LDLRAD4: variants seen among roughly 807,000 people sequenced by gnomAD.
LDLRAD4 encodes low-density lipoprotein receptor class A domain-containing protein 4.
A neutral mutation model predicts 17.0 loss-of-function variants in LDLRAD4; 5 were observed. The ratio of observed to expected loss-of-function variants is 0.29; its 90% confidence interval spans 0.15 to 0.62. The LOEUF (loss-of-function observed/expected upper bound fraction) is 0.62, where lower values mean the gene tolerates loss of function less well. Ranked by LOEUF, LDLRAD4 falls within the 20% of genes least tolerant of loss-of-function variation. The probability of loss-of-function intolerance (pLI) is 0.84; values close to 1 mark genes in which losing one functional copy is unlikely to be tolerated. For synonymous variants in LDLRAD4, 168 were observed against 171.8 expected (o/e 0.98, Z 0.17); for missense variants, 340 against 424.7 (o/e 0.80, Z 1.75).
chr18:13,608,244 C>T (rs926548871), intron 3 of LDLRAD4, among the ~76,000 whole-genome samples: 2 of 151,896 alleles, frequency 1.3e-5, no homozygotes, highest in Middle Eastern at 6.9e-3. Flanking sequence ...CCAGTTAGAA[C>T]GGCGATCACT....
chr18:13,379,741 C>T (rs2145055337), intron 1 of LDLRAD4, among the ~76,000 whole-genome samples: 1 of 152,344 alleles, frequency 6.6e-6, no homozygotes, highest in East Asian at 1.9e-4. Flanking sequence ...CAAGGAGTGG[C>T]TTGGCAAGGG....
intron 3 of LDLRAD4, among the ~76,000 whole-genome samples, chr18:13,565,569 G>A (rs776521973): frequency 2.6e-5 from 4 of 152,250 alleles, no homozygotes; most frequent in Non-Finnish European, 4.4e-5. Flanking sequence ...CGCTTGTCTT[G>A]GGCTGTGGAA....
chr18:13,534,546 TA>T (rs1436679310), intron 3 of LDLRAD4, among the ~76,000 whole-genome samples: 8 of 150,458 alleles, frequency 5.3e-5, no homozygotes, highest in African/African-American at 1.7e-4. Context: ...ACCCTGTTGC[TA>T]AAAAGAAAAA....
At chr18:13,476,093 C>G (rs1280012231) in intron 3 of LDLRAD4, among the ~76,000 whole-genome samples, 1 of 152,066 alleles carries the variant, frequency 6.6e-6, no homozygotes, top group East Asian at 1.9e-4. Flanking sequence ...GTCTGTAAAT[C>G]TGTAACAGAT....
intron 3 of LDLRAD4, among the ~76,000 whole-genome samples, chr18:13,491,870 G>A (rs1382695956): frequency 6.6e-6 from 1 of 152,170 alleles, no homozygotes; most frequent in Non-Finnish European, 1.5e-5. Context: ...GGTGCTGTCT[G>A]ATAATGAAAT....
At chr18:13,340,259 C>CT (rs2082305168) in intron 1 of LDLRAD4, among the ~76,000 whole-genome samples, 1 of 152,252 alleles carries the variant, frequency 6.6e-6, no homozygotes, top group Non-Finnish European at 1.5e-5. Context: ...CGAGTCCTTG[C>CT]TTTCAGTTCT....
chr18:13,340,542 G>A (rs993433769), intron 1 of LDLRAD4, among the ~76,000 whole-genome samples: 5 of 152,126 alleles, frequency 3.3e-5, no homozygotes, highest in Admixed American at 2.0e-4. Flanking sequence ...CTTCTTTGGA[G>A]AAATGTCTAT....
At position 13,222,147 on chromosome 18, in the gene LDLRAD4, T is replaced by A. The variant is rs577805529; in HGVS notation, c.-467+3159T>A. 7.2e-4 allele frequency among the ~76,000 whole-genome samples: 110 copies of A among 152,274 alleles called. 1 individual carries two copies. The highest frequency in any genetic ancestry group is 1.2e-3 in the Non-Finnish European group (79 of 68,032). On this transcript the variant is annotated intron_variant, in intron 1 of 5. Coordinates refer to the LDLRAD4 transcript ENST00000399848. Reference sequence around the variant, plus strand: ...GACTGTACTTTTGTTTTGCAGATTTTCCTCTGTACCCCCTTCTCAACCGTC... The same window carrying A: ...GACTGTACTTTTGTTTTGCAGATTTACCTCTGTACCCCCTTCTCAACCGTC...
chr18:13,573,049 A>G (rs1465138756), intron 3 of LDLRAD4, among the ~76,000 whole-genome samples: 1 of 152,250 alleles, frequency 6.6e-6, no homozygotes, highest in African/African-American at 2.4e-5. Context: ...TCATTTGGGA[A>G]GGAGTTACTG....
chr18:13,326,010 G>T (rs577436125), intron 1 of LDLRAD4, among the ~76,000 whole-genome samples: 1 of 151,876 alleles, frequency 6.6e-6, no homozygotes, highest in Non-Finnish European at 1.5e-5. Context: ...CTCATGATCC[G>T]CTTGCCTCGG....
At chr18:13,457,224 T>A (rs565399171) in intron 3 of LDLRAD4, among the ~76,000 whole-genome samples, 20 of 152,320 alleles carry the variant, frequency 1.3e-4, no homozygotes, top group African/African-American at 3.6e-4. Flanking sequence ...ATTAATTTGC[T>A]GGGGGGTGCT....
intron 2 of LDLRAD4, among the ~76,000 whole-genome samples, chr18:13,421,426 C>A (rs930697062): frequency 7.2e-5 from 11 of 152,164 alleles, no homozygotes; most frequent in African/African-American, 2.7e-4. Flanking sequence ...GCAGGGTGGC[C>A]TCCCAGCCCT....
At chr18:13,583,590 C>T (rs2094895636) in intron 3 of LDLRAD4, among the ~76,000 whole-genome samples, 1 of 152,072 alleles carries the variant, frequency 6.6e-6, no homozygotes, top group Non-Finnish European at 1.5e-5. Flanking sequence ...ATAATATCAC[C>T]ACGTTCAACT....
chr18:13,272,146 A>G lies in LDLRAD4; in HGVS notation c.-466-5959A>G, dbSNP rs185111088. Among the ~76,000 whole-genome samples the G allele has an allele frequency of 3.2e-3, 482 of 152,190 alleles. 5 individuals carry two copies. The highest frequency in any genetic ancestry group is 0.011 in the African/African-American group (448 of 41,534). ...CTTGACCTCGTGATCCACCCGCCTC[A>G]GCCTCCCAAAGTGCTGGGATTACAG... On this transcript the variant is annotated intron_variant, in intron 1 of 5. Transcript: ENST00000399848.
intron 1 of LDLRAD4, among the ~76,000 whole-genome samples, chr18:13,325,033 T>C (rs1251526812): frequency 6.6e-6 from 1 of 152,144 alleles, no homozygotes; most frequent in African/African-American, 2.4e-5. Context: ...ATGTACACAT[T>C]TGTCTCAGGG....
chr18:13,629,261 C>T (rs2041450250), intron 4 of LDLRAD4, among the ~76,000 whole-genome samples: 1 of 152,120 alleles, frequency 6.6e-6, no homozygotes. Flanking sequence ...TTTTTGGTAC[C>T]AGCCAAAATC....
At chr18:13,383,397 G>A (rs1436022742) in intron 1 of LDLRAD4, among the ~76,000 whole-genome samples, 2 of 152,170 alleles carry the variant, frequency 1.3e-5, no homozygotes. Context: ...GTTTTGGGAA[G>A]CCGACCAGGT....
intron 1 of LDLRAD4, among the ~76,000 whole-genome samples, chr18:13,379,034 G>A (rs1048766366): frequency 6.6e-6 from 1 of 151,382 alleles, no homozygotes; most frequent in Non-Finnish European, 1.5e-5. Context: ...GGTTTTGTTT[G>A]TGTTTTCTCA....
At chr18:13,376,513 G>A (rs1199755280) in intron 1 of LDLRAD4, among the ~76,000 whole-genome samples, 1 of 152,172 alleles carries the variant, frequency 6.6e-6, no homozygotes, top group African/African-American at 2.4e-5. Context: ...TGGATCTGAC[G>A]GTGGACATAT....
Sources: gnomAD v4.1 joint callset for allele counts (sites outside exome capture counted in the v4.1 genomes callset) on GRCh38, gnomAD v4.1.1 for gene constraint, MANE v1.5 for transcripts, NCBI Gene and HGNC (gene_info 2026-07-23, HGNC 2026-07-21) for gene names.